GALNT13: variants seen among roughly 807,000 people sequenced by gnomAD.
GALNT13 encodes the protein polypeptide N-acetylgalactosaminyltransferase 13.
A neutral mutation model predicts 64.2 loss-of-function variants in GALNT13; 28 were observed. That is an observed-to-expected ratio of 0.44 (90% confidence interval 0.32 to 0.60). GALNT13 has a LOEUF of 0.60. GALNT13 is among the 20% of genes least tolerant of loss of function. GALNT13 has a pLI of 0.05. For missense variants in GALNT13, 577 were observed against 669.8 expected (o/e 0.86, Z 1.53); for synonymous variants, 214 against 224.6 (o/e 0.95, Z 0.42).
chr2:153,250,203 C>G, the GALNT13 span, among the ~76,000 whole-genome samples: 161 of 152,150 alleles, frequency 1.1e-3, no homozygotes, highest in Middle Eastern at 0.01. Context: ...AAAAAACAAC[C>G]CCATCAAAAA....
At chr2:154,113,836 A>G (rs1234542096) in intron 3 of GALNT13, among the ~76,000 whole-genome samples, 1 of 152,262 alleles carries the variant, frequency 6.6e-6, no homozygotes, top group Non-Finnish European at 1.5e-5. Flanking sequence ...TGGCCTTGCC[A>G]GCTGAAGGCC....
rs200261415 is a variant in GALNT13, at chr2:153,983,329, A to AT, written c.142+38697dup. On this transcript the variant is annotated intron_variant, in intron 3 of 12. Coordinates refer to ENST00000392825, the MANE Select transcript of GALNT13 (RefSeq NM_052917.4). ...TATGAAAATATTATCAATTCATTCA[A>AT]TTTTTTTATTTTAAAAAACGTATCT... 6.1e-3 allele frequency among the ~76,000 whole-genome samples: 921 copies of AT among 151,914 alleles called. 10 individuals are homozygous for AT. The highest frequency in any genetic ancestry group is 0.021 in the African/African-American group (885 of 41,512).
chr2:153,158,898 G>A, the GALNT13 span: 1 of 152,112 alleles, frequency 6.6e-6, no homozygotes, highest in African/African-American at 2.4e-5. Flanking sequence ...TAGTAGTCTT[G>A]GGCTTCTAAC....
the GALNT13 span, among the ~76,000 whole-genome samples, chr2:153,309,459 A>G: frequency 2.0e-5 from 3 of 152,256 alleles, 1 homozygote; most frequent in Admixed American, 2.0e-4. Context: ...GCTCAAATAG[A>G]AAGTCATCAT....
At chr2:154,423,936 C>G in intron 11 of GALNT13, among the ~76,000 whole-genome samples, 1 of 152,108 alleles carries the variant, frequency 6.6e-6, no homozygotes, top group East Asian at 1.9e-4. Context: ...TGACACTGTA[C>G]CTTTGAGGTC....
At chr2:153,657,224 C>T in the GALNT13 span, among the ~76,000 whole-genome samples, 4 of 151,758 alleles carry the variant, frequency 2.6e-5, no homozygotes, top group Admixed American at 1.3e-4. Flanking sequence ...ATAGGAAATC[C>T]GAGGTAAGGA....
chr2:153,754,996 A>T, the GALNT13 span, among the ~76,000 whole-genome samples: 1 of 152,122 alleles, frequency 6.6e-6, no homozygotes, highest in Admixed American at 6.6e-5. Context: ...TCAATGCCTC[A>T]AAATTGCTGC....
the GALNT13 span, among the ~76,000 whole-genome samples, chr2:153,376,823 C>G: frequency 1.3e-5 from 2 of 152,112 alleles, no homozygotes; most frequent in African/African-American, 4.8e-5. Context: ...TAAATATTCT[C>G]TCCATGTCAG....
chr2:154,202,562 G>A (rs1012351918), intron 4 of GALNT13, among the ~76,000 whole-genome samples: 2 of 152,024 alleles, frequency 1.3e-5, no homozygotes, highest in African/African-American at 4.8e-5. Flanking sequence ...TACATTAGAA[G>A]GCTGGAGAAA....
At chr2:154,296,817 A>C (rs1355124011) in intron 8 of GALNT13, among the ~76,000 whole-genome samples, 1 of 152,108 alleles carries the variant, frequency 6.6e-6, no homozygotes, top group Non-Finnish European at 1.5e-5. Flanking sequence ...CATGTGCAGA[A>C]TGTGTAGGTT....
chr2:153,436,879 G>A, the GALNT13 span, among the ~76,000 whole-genome samples: 1 of 152,096 alleles, frequency 6.6e-6, no homozygotes, highest in African/African-American at 2.4e-5. Context: ...TTTTGAATGT[G>A]TTTGCTCTTG....
chr2:153,842,963 T>C, the GALNT13 span, among the ~76,000 whole-genome samples: 1 of 152,134 alleles, frequency 6.6e-6, no homozygotes, highest in Non-Finnish European at 1.5e-5. Context: ...AAATGAAGAA[T>C]TTAATACATG....
the GALNT13 span, among the ~76,000 whole-genome samples, chr2:153,554,674 GTGTGTGTGTC>G: frequency 8.5e-4 from 125 of 147,430 alleles, no homozygotes; most frequent in African/African-American, 2.7e-3. Flanking sequence ...GTGTGTGTGT[GTGTGTGTGTC>G]TGTGTACGCG....
At chr2:154,241,593 C>T (rs1689492958) in intron 4 of GALNT13, among the ~76,000 whole-genome samples, 2 of 152,284 alleles carry the variant, frequency 1.3e-5, no homozygotes, top group South Asian at 2.1e-4. Flanking sequence ...AGATTTAGAA[C>T]AGAAAAATCT....
At chr2:153,345,664 T>TTTCTTTCTTTCG in the GALNT13 span, among the ~76,000 whole-genome samples, 2 of 142,460 alleles carry the variant, frequency 1.4e-5, no homozygotes, top group Non-Finnish European at 3.0e-5. Context: ...TCTTTCTTTC[T>TTTCTTTCTTTCG]TTCTTTCTTT....
At chr2:153,866,633 AATT>A in the GALNT13 span, among the ~76,000 whole-genome samples, 1 of 152,206 alleles carries the variant, frequency 6.6e-6, no homozygotes, top group Non-Finnish European at 1.5e-5. Context: ...CATGTCATGA[AATT>A]ATTGTTACAA....
intron 4 of GALNT13, among the ~76,000 whole-genome samples, chr2:154,173,618 C>G (rs534447317): frequency 1.6e-4 from 25 of 151,964 alleles, no homozygotes; most frequent in Non-Finnish European, 3.4e-4. Flanking sequence ...GGACAACCCA[C>G]ACAATGGGAG....
At chr2:153,288,226 T>G in the GALNT13 span, among the ~76,000 whole-genome samples, 1 of 152,240 alleles carries the variant, frequency 6.6e-6, no homozygotes, top group East Asian at 1.9e-4. Flanking sequence ...GGAAACTGAA[T>G]TATAGAGTAG....
the GALNT13 span, among the ~76,000 whole-genome samples, chr2:153,184,750 T>C: frequency 4.6e-5 from 7 of 152,210 alleles, no homozygotes; most frequent in African/African-American, 7.2e-5. Context: ...TTGAGTTCTA[T>C]GTGATGAATC....
Sources: gnomAD v4.1 joint callset for allele counts (sites outside exome capture counted in the v4.1 genomes callset) on GRCh38, gnomAD v4.1.1 for gene constraint, MANE v1.5 for transcripts, NCBI Gene and HGNC (gene_info 2026-07-23, HGNC 2026-07-21) for gene names.